The following SORCS2 variants were observed in gnomAD, a reference collection of about 807,000 sequenced individuals.
The protein encoded by SORCS2 is sortilin related VPS10 domain containing receptor 2.
A neutral mutation model predicts 141.6 loss-of-function variants in SORCS2; 100 were observed. That is an observed-to-expected ratio of 0.71 (90% CI 0.60 to 0.83). SORCS2 has a LOEUF of 0.83. SORCS2 is among the 40% of genes least tolerant of loss of function. The pLI is 0.00. For missense variants in SORCS2, 1,646 were observed against 1,560.2 expected, an observed-to-expected ratio of 1.05 and a Z score of -0.93; for synonymous variants, 789 against 676.9, an observed-to-expected ratio of 1.17 and a Z score of -2.57.
At chr4:7,272,566 C>T (rs1715214610) in intron 1 of SORCS2, among the ~76,000 whole-genome samples, 1 of 152,222 alleles carries the variant, frequency 6.6e-6, no homozygotes, top group Non-Finnish European at 1.5e-5. Flanking sequence ...TGCTGTAAAT[C>T]ACTAGGCACG....
rs372177699 is a variant in SORCS2 at position 7,639,892 on chromosome 4, C to T, written c.813+1400C>T. On this transcript the variant is annotated intron_variant, in intron 4 of 26. Transcript: ENST00000507866. Reference sequence around the variant, plus strand: ...GCGTGTATGAGTGCATGGGTGTGCACGTGAAAGTGTGTTTGTGGGTGTGTG... The same window carrying T: ...GCGTGTATGAGTGCATGGGTGTGCATGTGAAAGTGTGTTTGTGGGTGTGTG... Among the ~76,000 whole-genome samples, 273 of 145,962 alleles carry T rather than the reference C, an allele frequency of 1.9e-3. 1 individual carries two copies. The highest frequency in any genetic ancestry group is 6.2e-3 in the African/African-American group (245 of 39,202).
chr4:7,718,417 G>A lies in SORCS2; in HGVS notation c.2424+234G>A, dbSNP rs28678010. Among the ~76,000 whole-genome samples the A allele has an allele frequency of 1.0e-3, 159 of 152,348 alleles. 1 individual carries two copies. Among genetic ancestry groups the A allele is most frequent in the African/African-American group, 3.8e-3 (156 of 41,572 alleles). On this transcript the variant is annotated intron_variant, in intron 18 of 26. Transcript: ENST00000507866. The stretch of plus-strand genomic sequence containing the variant: ...TGAAGGAGAATAGAGTAGGACGTAG[G>A]GGGTATTAGGGTCCCCGCAGAGCAG...
rs773193123 is a variant in SORCS2 at position 7,726,773 on chromosome 4, C to A, written c.2746-7C>A. 7.4e-6 allele frequency: 12 copies of A among 1,612,864 alleles called. No homozygotes were observed. Among genetic ancestry groups the A allele is most frequent in the South Asian group, 1.1e-5 (1 of 91,024 alleles). On this transcript the variant is annotated splice_polypyrimidine_tract_variant and splice_region_variant and intron_variant, in intron 20 of 26. Transcript: ENST00000507866. ...CCAGGCCCCTAAGCCCTGCTGTGCC[C>A]CTGCAGCCCCTCCTTTCCCTGGATA...
intron 9 of SORCS2, among the ~76,000 whole-genome samples, chr4:7,682,330 A>G (rs1449080295): frequency 2.0e-5 from 3 of 152,138 alleles, no homozygotes; most frequent in Non-Finnish European, 2.9e-5. Flanking sequence ...TTGGTCCAGG[A>G]TGTGTGGTCC....
chr4:7,600,654 TATACACAC>T (rs1466994354), intron 3 of SORCS2, among the ~76,000 whole-genome samples: 109 of 92,750 alleles, frequency 1.2e-3, no homozygotes, highest in African/African-American at 2.7e-3. Context: ...TACATATATA[TATACACAC>T]ACACACACAC....
intron 3 of SORCS2, among the ~76,000 whole-genome samples, chr4:7,591,116 G>A (rs1198944528): frequency 6.6e-6 from 1 of 152,144 alleles, no homozygotes; most frequent in African/African-American, 2.4e-5. Context: ...TGGGCACCGG[G>A]CCAGCGCGTG....
In SORCS2 at chr4:7,627,128, C is replaced by T. The variant is rs144732517; in HGVS notation, c.649-11200C>T. ...AGCTTCCCAAGTAGCTGGGACTACACGTGCGTGCCACCAAGCCCGGCTAAT... is the reference window on the plus strand; with the variant it reads ...AGCTTCCCAAGTAGCTGGGACTACATGTGCGTGCCACCAAGCCCGGCTAAT... On this transcript the variant is annotated intron_variant, in intron 3 of 26. Transcript: ENST00000507866. Among the ~76,000 whole-genome samples, 370 of 152,130 alleles carry T rather than the reference C, an allele frequency of 2.4e-3. 1 individual carries two copies. The highest frequency in any genetic ancestry group is 8.6e-3 in the African/African-American group (358 of 41,486).
At chr4:7,717,235 G>T (rs1274393190) in intron 17 of SORCS2, among the ~76,000 whole-genome samples, 1 of 152,176 alleles carries the variant, frequency 6.6e-6, no homozygotes, top group Non-Finnish European at 1.5e-5. Flanking sequence ...TGTTCCCATG[G>T]CCTGGGATGC....
chr4:7,575,201 C>A (rs1039634232), intron 3 of SORCS2, among the ~76,000 whole-genome samples: 1 of 152,288 alleles, frequency 6.6e-6, no homozygotes, highest in Non-Finnish European at 1.5e-5. Context: ...CTGGCACTCT[C>A]TGGGCTCAGT....
chr4:7,436,014 A>G (rs1417371581), intron 2 of SORCS2, among the ~76,000 whole-genome samples: 1 of 152,260 alleles, frequency 6.6e-6, no homozygotes, highest in East Asian at 1.9e-4. Context: ...ACAGCCACAC[A>G]TGAGGAATGC....
chr4:7,220,409 TG>T (rs1728635448), intron 1 of SORCS2, among the ~76,000 whole-genome samples: 1 of 152,016 alleles, frequency 6.6e-6, no homozygotes, highest in Admixed American at 6.6e-5. Flanking sequence ...ATTCAAGGCA[TG>T]GTGGAGTAAT....
intron 12 of SORCS2, among the ~76,000 whole-genome samples, 169 bp from the exon 13 acceptor site, chr4:7,703,111 G>A (rs920750650): frequency 7.9e-5 from 12 of 152,154 alleles, no homozygotes; most frequent in Admixed American, 2.6e-4. Context: ...CGTGGGCTGG[G>A]AAAGCTCGGG....
intron 1 of SORCS2, among the ~76,000 whole-genome samples, chr4:7,376,406 G>A (rs759208261): frequency 1.4e-4 from 22 of 152,110 alleles, no homozygotes; most frequent in South Asian, 6.2e-4. Flanking sequence ...GTGAAACCCC[G>A]TCTTTACGAA....
chr4:7,283,022 C>G (rs551854712), intron 1 of SORCS2, among the ~76,000 whole-genome samples: 1 of 152,010 alleles, frequency 6.6e-6, no homozygotes, highest in African/African-American at 2.4e-5. Flanking sequence ...CACCCATTCA[C>G]TCATTTATTC....
intron 2 of SORCS2, among the ~76,000 whole-genome samples, chr4:7,401,893 A>G (rs1724618254): frequency 6.6e-6 from 1 of 152,052 alleles, no homozygotes; most frequent in Non-Finnish European, 1.5e-5. Context: ...CTTTTTCGTT[A>G]TCTTCACTTT....
chr4:7,437,379 G>A (rs1727379959), intron 2 of SORCS2, among the ~76,000 whole-genome samples: 1 of 152,220 alleles, frequency 6.6e-6, no homozygotes, highest in Non-Finnish European at 1.5e-5. Context: ...CACCCTCTGG[G>A]TGTGCCACCC....
At chr4:7,627,147 G>A (rs536190963) in intron 3 of SORCS2, among the ~76,000 whole-genome samples, 167 of 152,124 alleles carry the variant, frequency 1.1e-3, no homozygotes, top group Middle Eastern at 0.01. Flanking sequence ...CACCAAGCCC[G>A]GCTAATTTTT....
chr4:7,646,075 G>A (rs979897199), intron 4 of SORCS2, among the ~76,000 whole-genome samples: 1 of 152,270 alleles, frequency 6.6e-6, no homozygotes, highest in Non-Finnish European at 1.5e-5. Context: ...CGGCAGCCAC[G>A]GATTCCGGGC....
chr4:7,194,445 G>C (rs1317599452), intron 1 of SORCS2, among the ~76,000 whole-genome samples: 1 of 152,188 alleles, frequency 6.6e-6, no homozygotes, highest in African/African-American at 2.4e-5. Flanking sequence ...GGTAGGGGCA[G>C]CACTGAATGA....
Sources: gnomAD v4.1 joint callset for allele counts (sites outside exome capture counted in the v4.1 genomes callset) on GRCh38, gnomAD v4.1.1 for gene constraint, MANE v1.5 for transcripts, NCBI Gene and HGNC (gene_info 2026-07-23, HGNC 2026-07-21) for gene names.